Variants in UPP1 observed in about 807,000 individuals in gnomAD.
The protein encoded by UPP1 is UPase 1.
A neutral mutation model predicts 29.6 loss-of-function variants in UPP1; 25 were observed. The ratio of observed to expected loss-of-function variants is 0.85; its 90% confidence interval spans 0.62 to 1.18. The LOEUF is 1.18. UPP1 is among the 50% of genes most tolerant of loss of function. UPP1 has a pLI of 0.00. For missense variants in UPP1, 368 were observed against 410.4 expected (o/e 0.90, Z 0.89); for synonymous variants, 165 against 159.8 (o/e 1.03, Z -0.25).
At position 48,107,021 on chromosome 7, in the gene UPP1, A is replaced by C. The variant is rs1165352187; in HGVS notation, c.585A>C (p.Ala195=). The change falls in exon 7 of 9, where the codon GCA becomes GCC. Residue 195 remains alanine, a synonymous_variant. Transcript: ENST00000395564. ...KLVQELLLCS[A]ELSEFTTVVG... ...TGCAGGAGCTGTTGCTGTGTTCTGC[A>C]GAGCTGAGCGAGTTCACCACAGTGG... 1.2e-6 allele frequency: 2 copies of C among 1,612,678 alleles called. No homozygotes were observed. Among genetic ancestry groups the C allele is most frequent in the Non-Finnish European group, 8.5e-7 (1 of 1,179,924 alleles).
chr7:48,106,714 A>G lies in UPP1; in HGVS notation c.437-159A>G, dbSNP rs959810218. ...AAAAGTTGAATGGGAAAAATGGGTC[A>G]CTGTGTATTTGAGAACAGTACTGGA... On this transcript the variant is annotated intron_variant, in intron 6 of 8. Coordinates refer to ENST00000395564, the MANE Select transcript of UPP1 (RefSeq NM_003364.4). The G allele has an allele frequency of 6.2e-6, 4 of 641,590 alleles. No homozygotes were observed. In the Admixed American group the frequency reaches 8.6e-5, roughly 14 times the overall value. The allele number at this position is 641,590 out of a possible 1,614,324, so 39.7% of individuals were successfully genotyped here. A position where few individuals can be genotyped will look rare whatever the true frequency, so the allele number is the denominator to read the frequency against.
intron 2 of UPP1, among the ~76,000 whole-genome samples, chr7:48,091,933 A>C (rs1000514597): frequency 6.6e-6 from 1 of 152,140 alleles, no homozygotes; most frequent in Non-Finnish European, 1.5e-5. Flanking sequence ...AAACATCCTT[A>C]CTCTACAAGG....
chr7:48,099,815 A>C (rs2128812538), intron 4 of UPP1, 28 bp downstream of exon 4: 1 of 1,509,134 alleles, frequency 6.6e-7, no homozygotes, highest in Non-Finnish European at 9.2e-7. Context: ...GACACCTTGG[A>C]ATTTGCCTTA....
chr7:48,088,988 A>C (rs925032094), upstream of UPP1: 2 of 152,248 alleles, frequency 1.3e-5, no homozygotes, highest in Non-Finnish European at 2.9e-5. Context: ...CTGGTTCTTT[A>C]CAATTGCCCA....
intron 3 of UPP1, among the ~76,000 whole-genome samples, chr7:48,099,463 A>G (rs979016156): frequency 6.6e-6 from 1 of 152,162 alleles, no homozygotes; most frequent in Non-Finnish European, 1.5e-5. Flanking sequence ...CCATGGGAGC[A>G]ACAGGGGTTA....
At chr7:48,106,332 A>G (rs1033286952) in intron 6 of UPP1, 7 of 153,672 alleles carry the variant, frequency 4.6e-5, no homozygotes, top group Non-Finnish European at 7.2e-5. Flanking sequence ...TTCTTTCGAA[A>G]TGGAGTTTGC....
intron 3 of UPP1, 120 bp downstream of exon 3, chr7:48,094,947 A>G: frequency 8.2e-7 from 1 of 1,216,682 alleles, no homozygotes; most frequent in African/African-American, 1.5e-5. Context: ...TGCTTGTGAA[A>G]GAGACTGAGG....
intron 6 of UPP1, 176 bp from the exon 7 acceptor site, chr7:48,106,697 A>G: frequency 1.6e-6 from 1 of 611,666 alleles, no homozygotes; most frequent in Non-Finnish European, 2.9e-6. Context: ...AAAAAAGTTG[A>G]ATGGGAAAAA....
rs539779106 is a variant in UPP1 at position 48,091,596 on chromosome 7, C to T, written c.-22+1232C>T. Reference sequence around the variant, plus strand: ...AAAGGTTTTCTAAAATCAGTGCAGTCTGACATCTTCAACACCAGGGTCTTT... The same window carrying T: ...AAAGGTTTTCTAAAATCAGTGCAGTTTGACATCTTCAACACCAGGGTCTTT... On this transcript the variant is annotated intron_variant, in intron 2 of 8. Coordinates refer to ENST00000395564, the MANE Select transcript of UPP1 (RefSeq NM_003364.4). 6.6e-4 allele frequency among the ~76,000 whole-genome samples: 101 copies of T among 152,320 alleles called. No individual in the cohort carries two copies. In the Middle Eastern group the frequency reaches 0.01, roughly 15 times the overall value.
chr7:48,098,644 C>CT, intron 3 of UPP1, among the ~76,000 whole-genome samples: 1 of 152,190 alleles, frequency 6.6e-6, no homozygotes, highest in East Asian at 1.9e-4. Flanking sequence ...CCTTGCCTCT[C>CT]TTGTGTCTTT....
At position 48,089,687 on chromosome 7, in the gene UPP1, C is replaced by G. The variant is rs569244903; in HGVS notation, c.-199+269C>G. 2.0e-5 allele frequency: 3 copies of G among 152,162 alleles called. No individual in the cohort carries two copies. In the East Asian group the frequency reaches 5.8e-4, roughly 30 times the overall value. The allele number at this position is 152,162 out of a possible 1,614,324, so 9.4% of individuals were successfully genotyped here. A position where few individuals can be genotyped will look rare whatever the true frequency, so the allele number is the denominator to read the frequency against. ...GGGATGTGCTTCCTCGGGTCCACCC[C>G]GTGCCTACCTCTCCCACGTCCCGGC... On this transcript the variant is annotated intron_variant, in intron 1 of 8. Transcript: ENST00000395564.
chr7:48,091,361 C>G (rs900648901), intron 2 of UPP1, among the ~76,000 whole-genome samples: 2 of 150,348 alleles, frequency 1.3e-5, no homozygotes, highest in Non-Finnish European at 3.0e-5. Context: ...ACCGAAAAGA[C>G]TCTTCCTTGG....
At chr7:48,098,301 C>T (rs73694335) in intron 3 of UPP1, among the ~76,000 whole-genome samples, 4,412 of 152,256 alleles carry the variant, frequency 0.029, 199 homozygotes, top group African/African-American at 0.097. Context: ...CAGGTATAGG[C>T]CATCTGTGTG....
chr7:48,091,950 G>A lies in UPP1; in HGVS notation c.-22+1586G>A, dbSNP rs113640172. Among the ~76,000 whole-genome samples the A allele has an allele frequency of 5.6e-4, 85 of 152,306 alleles. 1 individual carries two copies. Among genetic ancestry groups the A allele is most frequent in the African/African-American group, 2.0e-3 (82 of 41,556 alleles). ...ACATCCTTACTCTACAAGGCCAGAC[G>A]GGAAGTTCTGTCTTTGGCTTGGTTT... On this transcript the variant is annotated intron_variant, in intron 2 of 8. Coordinates refer to ENST00000395564, the MANE Select transcript of UPP1 (RefSeq NM_003364.4).
At chr7:48,093,593 AG>A (rs1791966317) in intron 2 of UPP1, among the ~76,000 whole-genome samples, 1 of 152,176 alleles carries the variant, frequency 6.6e-6, no homozygotes, top group Non-Finnish European at 1.5e-5. Context: ...CCTCCTTCAA[AG>A]AGCTCTGGCA....
At position 48,092,426 on chromosome 7, in the gene UPP1, C is replaced by T. The variant is rs577985999; in HGVS notation, c.-22+2062C>T. 1.1e-3 allele frequency among the ~76,000 whole-genome samples: 165 copies of T among 152,152 alleles called. 1 individual carries two copies. The highest frequency in any genetic ancestry group is 1.6e-3 in the Non-Finnish European group (108 of 68,018). ...GAAGCACTGCCCTGGCTTCTCTCTC[C>T]TCCTTCCACATGTGTAGGGAGAGGT... On this transcript the variant is annotated intron_variant, in intron 2 of 8. Transcript: ENST00000395564.
chr7:48,103,348 C>A lies in UPP1; in HGVS notation c.373C>A (p.Leu125Met). ...AATCATGTTGCATGAGCTCATAAAG[C>A]TGCTGTACTATGCCCGGTGCTCCAA... ...ISIMLHELIK[L>M]LYYARCSNVT... The change falls in exon 6 of 9, where the codon CTG (leucine) becomes ATG (methionine). Residue 125 changes from leucine (L) to methionine (M), a missense_variant. Leu to Met is a conservative substitution (Grantham distance 15). Transcript: ENST00000395564. 6.2e-7 allele frequency: 1 copy of A among 1,614,054 alleles called. No homozygotes were observed.
At chr7:48,107,655 T>C (rs888972449) in intron 8 of UPP1, 148 bp downstream of exon 8, 5 of 902,144 alleles carry the variant, frequency 5.5e-6, no homozygotes, top group Non-Finnish European at 8.2e-6. Flanking sequence ...TTCTGACATA[T>C]GTGTTGTCAC....
At chr7:48,102,166 A>G (rs1477893881) in intron 5 of UPP1, among the ~76,000 whole-genome samples, 184 bp downstream of exon 5, 1 of 152,204 alleles carries the variant, frequency 6.6e-6, no homozygotes, top group Non-Finnish European at 1.5e-5. Flanking sequence ...CTTGAGGCTC[A>G]GTCTCCAGGG....
Sources: allele counts gnomAD v4.1 joint callset (sites outside exome capture counted in the v4.1 genomes callset), GRCh38; gene constraint gnomAD v4.1.1; transcripts MANE v1.5; gene names NCBI Gene and HGNC (gene_info 2026-07-23, HGNC 2026-07-21).